OLFM3: variants seen among roughly 807,000 people sequenced by gnomAD.
The protein encoded by OLFM3 is noelin-3.
A neutral mutation model predicts 48.6 loss-of-function variants in OLFM3; 20 were observed. That is an observed-to-expected ratio of 0.41 (90% CI 0.29 to 0.60). OLFM3 has a LOEUF of 0.60. Ranked by LOEUF, OLFM3 falls within the 20% of genes least tolerant of loss-of-function variation. OLFM3 has a pLI of 0.28. For synonymous variants in OLFM3, 222 were observed against 198.1 expected (o/e 1.12, Z -1.01); for missense variants, 437 against 544.3 (o/e 0.80, Z 1.96).
intron 1 of OLFM3, among the ~76,000 whole-genome samples, chr1:101,840,304 A>C (rs1320161688): frequency 6.6e-6 from 1 of 152,122 alleles, no homozygotes; most frequent in Non-Finnish European, 1.5e-5. Flanking sequence ...ACACCTATGG[A>C]CTAGGTGGTG....
chr1:101,884,861 A>C (rs1296039252), intron 1 of OLFM3, among the ~76,000 whole-genome samples: 2 of 151,990 alleles, frequency 1.3e-5, no homozygotes, highest in African/African-American at 4.8e-5. Flanking sequence ...TTCAATACCA[A>C]AGACCTCAAA....
chr1:101,918,830 C>T (rs2101035965), intron 1 of OLFM3, among the ~76,000 whole-genome samples: 1 of 152,146 alleles, frequency 6.6e-6, no homozygotes, highest in East Asian at 1.9e-4. Context: ...CTGACATACT[C>T]AAAAATCCAA....
chr1:101,853,142 C>T (rs2100951059), intron 1 of OLFM3, among the ~76,000 whole-genome samples: 1 of 152,170 alleles, frequency 6.6e-6, no homozygotes, highest in Admixed American at 6.6e-5. Flanking sequence ...TAAAGTTCTA[C>T]ATAATCTGGC....
At chr1:101,846,540 CAT>C (rs772041353) in intron 1 of OLFM3, among the ~76,000 whole-genome samples, 15 of 149,678 alleles carry the variant, frequency 1.0e-4, no homozygotes, top group African/African-American at 9.8e-5. Context: ...AGAAACAAAA[CAT>C]ATATATATAT....
chr1:101,824,993 C>T (rs147619861), intron 4 of OLFM3, 33 bp downstream of exon 4: 18 of 1,566,248 alleles, frequency 1.1e-5, no homozygotes, highest in East Asian at 9.0e-5. Context: ...TATATAAAAA[C>T]GTAACTTAGA....
chr1:101,920,188 A>G (rs1298102245), intron 1 of OLFM3, among the ~76,000 whole-genome samples: 1 of 152,188 alleles, frequency 6.6e-6, no homozygotes, highest in Non-Finnish European at 1.5e-5. Context: ...TACAATATGC[A>G]GAGTGATTCT....
At chr1:101,967,313 A>AAC (rs34757797) in intron 1 of OLFM3, among the ~76,000 whole-genome samples, 118,849 of 151,334 alleles carry the variant, frequency 0.79, 46,835 homozygotes, top group East Asian at 0.92. Flanking sequence ...AACAAAAAAA[A>AAC]CAAATACCAT....
Position 101,894,666 on chromosome 1 carries a change from G to A in OLFM3, c.70-57641C>T, listed in dbSNP as rs533773158. On this transcript the variant is annotated intron_variant, in intron 1 of 5. Coordinates refer to ENST00000370103, the MANE Select transcript of OLFM3 (RefSeq NM_058170.4). ...ATAATGAATGCCTATTTTACTATTT[G>A]TCTTTATGTCATATGTAATTTTTCC... Among the ~76,000 whole-genome samples the A allele has an allele frequency of 9.2e-5, 14 of 152,124 alleles. No homozygotes were observed. The South Asian group carries it at 1.7e-3, about 18-fold the overall frequency.
At chr1:101,973,548 T>G (rs1291048435) in intron 1 of OLFM3, among the ~76,000 whole-genome samples, 1 of 152,168 alleles carries the variant, frequency 6.6e-6, no homozygotes, top group Non-Finnish European at 1.5e-5. Context: ...GTCTGTCCGG[T>G]CAAAGTGGTA....
At chr1:101,843,341 G>A (rs138702949) in intron 1 of OLFM3, among the ~76,000 whole-genome samples, 35 of 152,282 alleles carry the variant, frequency 2.3e-4, no homozygotes, top group African/African-American at 7.9e-4. Flanking sequence ...CTCTTTCCCA[G>A]GGTCTTCCTG....
At chr1:101,947,322 A>T (rs533556879) in intron 1 of OLFM3, among the ~76,000 whole-genome samples, 12 of 152,264 alleles carry the variant, frequency 7.9e-5, no homozygotes, top group African/African-American at 2.9e-4. Context: ...TCCTTTTTGC[A>T]GTTGGTGTTA....
At chr1:101,834,837 C>T (rs1371620625) in intron 2 of OLFM3, among the ~76,000 whole-genome samples, 1 of 152,104 alleles carries the variant, frequency 6.6e-6, no homozygotes, top group Non-Finnish European at 1.5e-5. Context: ...ATATTAATTT[C>T]TATTATTATT....
chr1:101,956,310 C>A (rs1026499805), intron 1 of OLFM3, among the ~76,000 whole-genome samples: 1 of 151,720 alleles, frequency 6.6e-6, no homozygotes, highest in Non-Finnish European at 1.5e-5. Flanking sequence ...ATGTCCTGAT[C>A]TACTGAGTTA....
intron 1 of OLFM3, among the ~76,000 whole-genome samples, chr1:101,900,984 C>T (rs1236839125): frequency 6.6e-6 from 1 of 152,034 alleles, no homozygotes; most frequent in Non-Finnish European, 1.5e-5. Flanking sequence ...TTTGGATTCT[C>T]TATGACCTTT....
chr1:101,821,138 T>C (rs1320083311), intron 4 of OLFM3, among the ~76,000 whole-genome samples: 5 of 152,094 alleles, frequency 3.3e-5, no homozygotes, highest in Non-Finnish European at 7.4e-5. Flanking sequence ...CATTCTGATA[T>C]ATGGATAATT....
Position 101,996,803 on chromosome 1 carries a change from G to A in OLFM3, c.14C>T (p.Ser5Phe). ...CAGCAGCAGGAGGTTGAGAAGGTTG[G>A]ACGTCGCCTGCATTCTGATCTGGGT... MQATSNLLNLLLLSL... is the reference protein window; with the variant it reads MQATFNLLNLLLLSL... The change falls in exon 1 of 6, where the codon TCC (serine) becomes TTC (phenylalanine). Residue 5 changes from serine to phenylalanine, a missense_variant. Physicochemically the swap from Ser to Phe is radical, Grantham distance 155 (BLOSUM62 -2). Coordinates refer to ENST00000370103, the MANE Select transcript of OLFM3 (RefSeq NM_058170.4). The A allele has an allele frequency of 1.2e-6, 2 of 1,614,234 alleles. No individual in the cohort carries two copies. The highest frequency in any genetic ancestry group is 2.2e-5 in the South Asian group (2 of 91,092).
At chr1:101,928,207 T>C (rs773598958) in intron 1 of OLFM3, among the ~76,000 whole-genome samples, 4 of 152,126 alleles carry the variant, frequency 2.6e-5, no homozygotes, top group Non-Finnish European at 4.4e-5. Context: ...ACTAGGATAA[T>C]ACATCTTTGA....
intron 1 of OLFM3, among the ~76,000 whole-genome samples, chr1:101,971,150 A>C (rs142733068): frequency 1.3e-5 from 2 of 152,332 alleles, no homozygotes; most frequent in East Asian, 3.9e-4. Context: ...TATTATTAAA[A>C]ATACAGTATA....
intron 1 of OLFM3, among the ~76,000 whole-genome samples, chr1:101,993,098 C>A (rs1661460785): frequency 6.6e-6 from 1 of 152,126 alleles, no homozygotes; most frequent in South Asian, 2.1e-4. Flanking sequence ...TTAGCAGTCA[C>A]AATGGTGTGC....
Sources: allele counts gnomAD v4.1 joint callset (sites outside exome capture counted in the v4.1 genomes callset), GRCh38; gene constraint gnomAD v4.1.1; transcripts MANE v1.5; gene names NCBI Gene and HGNC (gene_info 2026-07-23, HGNC 2026-07-21).